NKAIN2: variants seen among roughly 807,000 people sequenced by gnomAD.
NKAIN2 encodes sodium/potassium-transporting ATPase subunit beta-1-interacting protein 2.
Under a neutral mutation model 32.6 loss-of-function variants are expected in NKAIN2, and 14 were observed. The observed-to-expected ratio is 0.43, with a 90% CI of 0.28 to 0.67. The LOEUF (loss-of-function observed/expected upper bound fraction) is 0.67, where lower values mean the gene tolerates loss of function less well. Among genes scored for constraint, NKAIN2 ranks in the 30% least tolerant of loss-of-function variants. The pLI, the probability that NKAIN2 is intolerant of heterozygous loss-of-function variation, is 0.17. For synonymous variants in NKAIN2, 80 were observed against 87.2 expected (o/e 0.92, Z 0.46); for missense variants, 198 against 258.3 (o/e 0.77, Z 1.60).
At chr6:124,246,968 AG>A (rs1793440858) in intron 1 of NKAIN2, among the ~76,000 whole-genome samples, 1 of 152,000 alleles carries the variant, frequency 6.6e-6, no homozygotes, top group African/African-American at 2.4e-5. Flanking sequence ...GGCTTACGGG[AG>A]CAATCCATTT....
chr6:124,705,601 A>AT, intron 4 of NKAIN2, among the ~76,000 whole-genome samples: 1 of 152,244 alleles, frequency 6.6e-6, no homozygotes, highest in South Asian at 2.1e-4. Flanking sequence ...TATCAGTAGC[A>AT]TTTGGGGAAT....
intron 1 of NKAIN2, among the ~76,000 whole-genome samples, chr6:124,080,987 A>C (rs1310840876): frequency 1.3e-5 from 2 of 152,168 alleles, no homozygotes; most frequent in African/African-American, 4.8e-5. Flanking sequence ...AATTGATTTC[A>C]GGGCAGTTAG....
At chr6:124,745,933 A>G (rs1395882886) in intron 4 of NKAIN2, among the ~76,000 whole-genome samples, 1 of 151,942 alleles carries the variant, frequency 6.6e-6, no homozygotes, top group Non-Finnish European at 1.5e-5. Flanking sequence ...ACTGAATGTC[A>G]AAGGCCAGAA....
intron 3 of NKAIN2, among the ~76,000 whole-genome samples, chr6:124,625,092 T>C (rs1783261567): frequency 6.7e-6 from 1 of 149,338 alleles, no homozygotes; most frequent in East Asian, 2.0e-4. Flanking sequence ...TTGAACATCC[T>C]CCTCAATATT....
At chr6:124,270,458 A>G (rs917622710) in intron 1 of NKAIN2, among the ~76,000 whole-genome samples, 1 of 152,196 alleles carries the variant, frequency 6.6e-6, no homozygotes, top group Non-Finnish European at 1.5e-5. Context: ...ACAAATTTCA[A>G]ATTCTCCAGA....
chr6:123,954,809 G>C (rs1777490298), intron 1 of NKAIN2, among the ~76,000 whole-genome samples: 1 of 152,088 alleles, frequency 6.6e-6, no homozygotes, highest in Non-Finnish European at 1.5e-5. Flanking sequence ...CTGACCTTCA[G>C]CTCAGGTTTT....
At chr6:124,635,896 T>C (rs773587172) in intron 3 of NKAIN2, among the ~76,000 whole-genome samples, 16 of 151,726 alleles carry the variant, frequency 1.1e-4, no homozygotes, top group Non-Finnish European at 1.9e-4. Flanking sequence ...CGATAGAAAA[T>C]CAACAAAGAA....
intron 3 of NKAIN2, among the ~76,000 whole-genome samples, chr6:124,471,299 T>A (rs936978302): frequency 4.6e-5 from 7 of 152,168 alleles, no homozygotes; most frequent in African/African-American, 1.4e-4. Context: ...TAAAAATTTT[T>A]AAATATGATA....
intron 1 of NKAIN2, among the ~76,000 whole-genome samples, chr6:124,255,864 A>G (rs190247574): frequency 2.0e-5 from 3 of 152,204 alleles, no homozygotes; most frequent in South Asian, 4.1e-4. Context: ...TTTTTCGTTT[A>G]TCTACCCAAG....
chr6:124,128,329 G>T (rs955148189), intron 1 of NKAIN2, among the ~76,000 whole-genome samples: 1 of 152,092 alleles, frequency 6.6e-6, no homozygotes, highest in African/African-American at 2.4e-5. Context: ...TTACAATTTC[G>T]CTAGTCCAAC....
chr6:124,379,145 G>A (rs1387576833), intron 3 of NKAIN2, among the ~76,000 whole-genome samples: 16 of 35,382 alleles, frequency 4.5e-4, no homozygotes, highest in Admixed American at 6.6e-4. Flanking sequence ...GGGGAGGGGA[G>A]GGAGGGAGGG....
chr6:124,342,649 A>G (rs1029140936), intron 2 of NKAIN2, among the ~76,000 whole-genome samples: 1 of 151,744 alleles, frequency 6.6e-6, no homozygotes, highest in African/African-American at 2.4e-5. Context: ...CTGGGATTAC[A>G]GGAACATGCC....
At chr6:124,725,508 CT>C (rs923891240) in intron 4 of NKAIN2, among the ~76,000 whole-genome samples, 2 of 152,130 alleles carry the variant, frequency 1.3e-5, no homozygotes, top group African/African-American at 2.4e-5. Flanking sequence ...GAGAAAGAAT[CT>C]TTAGTTTTTC....
At chr6:124,297,517 C>A (rs1256925636) in intron 2 of NKAIN2, among the ~76,000 whole-genome samples, 4 of 151,904 alleles carry the variant, frequency 2.6e-5, no homozygotes, top group Admixed American at 2.0e-4. Context: ...GAAACTGGCC[C>A]CCCTGCCCCG....
At chr6:124,361,484 ACTTGT>A (rs1799286354) in intron 3 of NKAIN2, among the ~76,000 whole-genome samples, 1 of 152,008 alleles carries the variant, frequency 6.6e-6, no homozygotes, top group Non-Finnish European at 1.5e-5. Context: ...AAACAACCCA[ACTTGT>A]CTTTATTTAA....
At chr6:124,598,808 T>C (rs974263545) in intron 3 of NKAIN2, among the ~76,000 whole-genome samples, 1 of 152,158 alleles carries the variant, frequency 6.6e-6, no homozygotes. Context: ...CTCCTAATTA[T>C]CTTTTCATAG....
chr6:124,082,858 CA>C (rs1784037057), intron 1 of NKAIN2, among the ~76,000 whole-genome samples: 1 of 152,016 alleles, frequency 6.6e-6, no homozygotes, highest in East Asian at 1.9e-4. Context: ...ACCAAATATA[CA>C]ATTTATACAG....
intron 1 of NKAIN2, among the ~76,000 whole-genome samples, chr6:123,873,736 G>T (rs946635943): frequency 5.3e-5 from 8 of 152,126 alleles, no homozygotes; most frequent in African/African-American, 1.9e-4. Context: ...ATTCCTAGGT[G>T]ATTGTCAGGA....
chr6:124,339,556 C>T (rs61481486), intron 2 of NKAIN2, among the ~76,000 whole-genome samples: 1,702 of 152,236 alleles, frequency 0.011, 32 homozygotes, highest in African/African-American at 0.039. Flanking sequence ...CTTCAACCCC[C>T]TCTCTGCTCT....
Sources: allele counts gnomAD v4.1 joint callset (sites outside exome capture counted in the v4.1 genomes callset), GRCh38; gene constraint gnomAD v4.1.1; transcripts MANE v1.5; gene names NCBI Gene and HGNC (gene_info 2026-07-23, HGNC 2026-07-21).